The following THEM4 variants were observed in gnomAD, a reference collection of about 807,000 sequenced individuals.
THEM4 encodes acyl-coenzyme A thioesterase THEM4.
A neutral mutation model predicts 25.0 loss-of-function variants in THEM4; 22 were observed. The ratio of observed to expected loss-of-function variants is 0.88; its 90% confidence interval spans 0.63 to 1.26. The LOEUF (loss-of-function observed/expected upper bound fraction) is 1.26, where lower values mean the gene tolerates loss of function less well. Among genes scored for constraint, THEM4 ranks in the 50% most tolerant of loss-of-function variants. THEM4 has a pLI of 0.00. For synonymous variants in THEM4, 113 were observed against 105.6 expected (o/e 1.07, Z -0.43); for missense variants, 286 against 300.3 (o/e 0.95, Z 0.35).
rs138158216 is a variant in THEM4 at position 151,871,548 on chromosome 1, G to C, written c.*3340C>G. ...AGCAAGAGTGCCAGGGCATGGTGAA[G>C]GCTAGGAATAGTCTGCTGCAAAGCA... On this transcript the variant is annotated 3_prime_UTR_variant, in exon 6 of 6. Coordinates refer to ENST00000368814, the MANE Select transcript of THEM4 (RefSeq NM_053055.5). 2.6e-3 allele frequency among the ~76,000 whole-genome samples: 403 copies of C among 152,306 alleles called. 2 individuals carry two copies. Among genetic ancestry groups the C allele is most frequent in the African/African-American group, 9.2e-3 (381 of 41,548 alleles).
At chr1:151,895,660 C>T (rs1654205597) in intron 1 of THEM4, among the ~76,000 whole-genome samples, 1 of 140,552 alleles carries the variant, frequency 7.1e-6, no homozygotes. Context: ...CAGAAATTAG[C>T]CAGCTGGAAA....
At chr1:151,899,503 G>A (rs1654304823) in intron 1 of THEM4, among the ~76,000 whole-genome samples, 1 of 150,288 alleles carries the variant, frequency 6.7e-6, no homozygotes, top group African/African-American at 2.4e-5. Context: ...AAAAAAGAAG[G>A]GAGAAATATT....
chr1:151,903,134 C>CAT (rs1264362812), intron 1 of THEM4, among the ~76,000 whole-genome samples: 3 of 151,832 alleles, frequency 2.0e-5, no homozygotes, highest in Non-Finnish European at 4.4e-5. Context: ...AATCTTTTTC[C>CAT]ATATATATAT....
intron 3 of THEM4, 67 bp from the exon 4 acceptor site, chr1:151,888,450 A>G: frequency 1.6e-6 from 2 of 1,219,074 alleles, no homozygotes; most frequent in East Asian, 4.9e-5. Flanking sequence ...CTCTTGAAAG[A>G]GAAAAATTAT....
At chr1:151,884,413 T>G (rs1487478699) in intron 4 of THEM4, among the ~76,000 whole-genome samples, 1 of 152,210 alleles carries the variant, frequency 6.6e-6, no homozygotes, top group Non-Finnish European at 1.5e-5. Context: ...CTTACATCAG[T>G]CAGGTATCAA....
intron 2 of THEM4, among the ~76,000 whole-genome samples, chr1:151,894,106 G>A (rs761077851): frequency 1.3e-5 from 2 of 151,986 alleles, no homozygotes; most frequent in Non-Finnish European, 2.9e-5. Flanking sequence ...CAAGTGATCC[G>A]CCCGCTTCAG....
At chr1:151,905,859 G>T (rs1391426557) in intron 1 of THEM4, among the ~76,000 whole-genome samples, 1 of 152,204 alleles carries the variant, frequency 6.6e-6, no homozygotes, top group Non-Finnish European at 1.5e-5. Flanking sequence ...CGGCCGTCTG[G>T]GCACCATAGT....
chr1:151,878,812 G>C (rs1270807411), intron 4 of THEM4, among the ~76,000 whole-genome samples: 1 of 151,374 alleles, frequency 6.6e-6, no homozygotes, highest in South Asian at 2.1e-4. Flanking sequence ...ATTTGTATTA[G>C]AGGCAGAAAA....
Position 151,874,026 on chromosome 1 carries a change from G to A in THEM4, c.*862C>T, listed in dbSNP as rs1482303538. The A allele has an allele frequency of 6.6e-6, 1 of 152,244 alleles. No individual in the cohort carries two copies. The highest frequency in any genetic ancestry group is 2.1e-4 in the South Asian group (1 of 4,828). 9.4% of individuals were successfully genotyped at this position (152,244 alleles called of 1,614,324 possible). A position where few individuals can be genotyped will look rare whatever the true frequency, so the allele number is the denominator to read the frequency against. On this transcript the variant is annotated 3_prime_UTR_variant, in exon 6 of 6. Coordinates refer to ENST00000368814, the MANE Select transcript of THEM4 (RefSeq NM_053055.5). Reference sequence around the variant, plus strand: ...CCTTCCAGTGATGAAAACCTATGCTGTTGGTAAGAAACAACAGTACAGCCT... The same window carrying A: ...CCTTCCAGTGATGAAAACCTATGCTATTGGTAAGAAACAACAGTACAGCCT...
chr1:151,883,179 G>A (rs559447706), intron 4 of THEM4, among the ~76,000 whole-genome samples: 251 of 150,782 alleles, frequency 1.7e-3, no homozygotes, highest in African/African-American at 5.7e-3. Flanking sequence ...GTGCACTGGC[G>A]CAATCTCGGC....
At chr1:151,879,659 CTTT>C (rs60809136) in intron 4 of THEM4, among the ~76,000 whole-genome samples, 22 of 135,400 alleles carry the variant, frequency 1.6e-4, no homozygotes, top group Admixed American at 1.5e-3. Flanking sequence ...CTTTTCTTTT[CTTT>C]TTTTTTTTTT....
intron 1 of THEM4, among the ~76,000 whole-genome samples, chr1:151,906,216 G>T (rs1293885576): frequency 6.6e-6 from 1 of 152,234 alleles, no homozygotes; most frequent in African/African-American, 2.4e-5. Context: ...GGCTTGGCGG[G>T]CCCTGCACTC....
chr1:151,887,872 G>C (rs1654006842), intron 4 of THEM4, among the ~76,000 whole-genome samples: 1 of 152,124 alleles, frequency 6.6e-6, no homozygotes, highest in Admixed American at 6.6e-5. Context: ...ACTTGTTTTG[G>C]TTATTTTCTC....
At chr1:151,906,851 G>A (rs1422283251) in intron 1 of THEM4, among the ~76,000 whole-genome samples, 2 of 152,078 alleles carry the variant, frequency 1.3e-5, no homozygotes, top group Non-Finnish European at 2.9e-5. Flanking sequence ...GTCTAGCTCA[G>A]GGATTGTAAA....
chr1:151,884,509 G>A (rs968222272), intron 4 of THEM4, among the ~76,000 whole-genome samples: 2 of 152,132 alleles, frequency 1.3e-5, no homozygotes, highest in African/African-American at 4.8e-5. Context: ...CACAGCTTTT[G>A]AGTTTCTAGC....
intron 1 of THEM4, among the ~76,000 whole-genome samples, chr1:151,904,572 T>C (rs184360430): frequency 2.1e-3 from 326 of 152,244 alleles, no homozygotes; most frequent in Admixed American, 5.6e-3. Context: ...TTTAGAAAGC[T>C]CCATCTGGTG....
At chr1:151,876,783 C>T (rs964364182) in intron 5 of THEM4, among the ~76,000 whole-genome samples, 4 of 152,022 alleles carry the variant, frequency 2.6e-5, no homozygotes, top group South Asian at 2.1e-4. Flanking sequence ...TTGCCCTTTA[C>T]TAGCAATGTA....
intron 4 of THEM4, among the ~76,000 whole-genome samples, chr1:151,884,369 C>G (rs1358822970): frequency 6.6e-6 from 1 of 152,188 alleles, no homozygotes; most frequent in African/African-American, 2.4e-5. Context: ...CCTGTGTTAT[C>G]TATCCATAAG....
At chr1:151,881,319 C>T (rs1191475123) in intron 4 of THEM4, among the ~76,000 whole-genome samples, 1 of 152,162 alleles carries the variant, frequency 6.6e-6, no homozygotes, top group Admixed American at 6.5e-5. Context: ...AGGCATGAGC[C>T]ACTGCAACAC....
Sources: gnomAD v4.1 joint callset for allele counts (sites outside exome capture counted in the v4.1 genomes callset) on GRCh38, gnomAD v4.1.1 for gene constraint, MANE v1.5 for transcripts, NCBI Gene and HGNC (gene_info 2026-07-23, HGNC 2026-07-21) for gene names.